The following FAXC variants were observed in gnomAD, a reference collection of about 807,000 sequenced individuals.
FAXC encodes failed axon connections homolog.
A neutral mutation model predicts 41.9 loss-of-function variants in FAXC; 10 were observed. The ratio of observed to expected loss-of-function variants is 0.24; its 90% CI spans 0.15 to 0.41. The LOEUF (loss-of-function observed/expected upper bound fraction) is 0.41, where lower values mean the gene tolerates loss of function less well. FAXC is among the 10% of genes least tolerant of loss of function. The pLI is 1.00. For missense variants in FAXC, 399 were observed against 510.9 expected, an observed-to-expected ratio of 0.78 and a Z score of 2.11; for synonymous variants, 183 against 183.8, an observed-to-expected ratio of 1.00 and a Z score of 0.03.
In FAXC at chr6:99,292,999, G is replaced by T. The variant is rs572966890; in HGVS notation, c.824-1179C>A. Among the ~76,000 whole-genome samples, 39 of 152,210 alleles carry T rather than the reference G, an allele frequency of 2.6e-4. 1 individual carries two copies. Among genetic ancestry groups the T allele is most frequent in the Middle Eastern group, 3.4e-3 (1 of 294 alleles). ...TTTTTGTATTTTTAGTAGAGACAGG[G>T]TTTCGCCATGTTGGCCATGCTGATC... On this transcript the variant is annotated intron_variant, in intron 4 of 5. Coordinates refer to ENST00000389677, the MANE Select transcript of FAXC (RefSeq NM_032511.4).
chr6:99,319,043 A>G (rs557113972), intron 4 of FAXC, among the ~76,000 whole-genome samples: 121 of 152,340 alleles, frequency 7.9e-4, no homozygotes, highest in Non-Finnish European at 1.6e-3. Context: ...ACCATTACAC[A>G]TAGTTATCTG....
At chr6:99,339,888 A>G (rs1212894831) in intron 2 of FAXC, among the ~76,000 whole-genome samples, 1 of 152,148 alleles carries the variant, frequency 6.6e-6, no homozygotes, top group Non-Finnish European at 1.5e-5. Flanking sequence ...AACAAACATA[A>G]AAGAAAAGGA....
intron 1 of FAXC, among the ~76,000 whole-genome samples, chr6:99,346,188 C>T (rs1203848371): frequency 6.6e-6 from 1 of 152,168 alleles, no homozygotes; most frequent in East Asian, 1.9e-4. Context: ...CTAGATTTCA[C>T]CTTAAGTGGA....
chr6:99,272,897 GAA>G lies in FAXC; in HGVS notation c.*8265_*8266del, dbSNP rs1268052874. 6.6e-6 allele frequency: 1 copy of G among 152,152 alleles called. No individual in the cohort carries two copies. Among genetic ancestry groups the G allele is most frequent in the African/African-American group, 2.4e-5 (1 of 41,430 alleles). The allele number at this position is 152,152 out of a possible 1,614,324, so 9.4% of individuals were successfully genotyped here. ...TTTGCAAAAGAGAAGTAAATTGGAA[GAA>G]AGACATTCACAGAAAACTATTTCAT... On this transcript the variant is annotated 3_prime_UTR_variant, in exon 6 of 6. Transcript: ENST00000389677.
chr6:99,338,038 C>G (rs1272396767), intron 2 of FAXC, among the ~76,000 whole-genome samples: 1 of 152,148 alleles, frequency 6.6e-6, no homozygotes, highest in Non-Finnish European at 1.5e-5. Context: ...TCCCCAGACA[C>G]CCACTGCATC....
chr6:99,306,265 G>A (rs559207758), intron 4 of FAXC, among the ~76,000 whole-genome samples: 1 of 152,272 alleles, frequency 6.6e-6, no homozygotes, highest in African/African-American at 2.4e-5. Flanking sequence ...CAAGGGCCGG[G>A]GTCTATGAAA....
chr6:99,284,598 T>TGTGTGTGAGTGA (rs34495212), intron 5 of FAXC, among the ~76,000 whole-genome samples: 1 of 142,856 alleles, frequency 7.0e-6, no homozygotes, highest in African/African-American at 2.6e-5. Context: ...TGTGTGTGTG[T>TGTGTGTGAGTGA]GATAAGCCTG....
At chr6:99,282,907 T>A (rs945670590) in intron 5 of FAXC, among the ~76,000 whole-genome samples, 3 of 152,256 alleles carry the variant, frequency 2.0e-5, no homozygotes, top group African/African-American at 4.8e-5. Context: ...TACATTTACA[T>A]ATATTTACAT....
At chr6:99,312,353 C>A (rs767533412) in intron 4 of FAXC, among the ~76,000 whole-genome samples, 9 of 152,188 alleles carry the variant, frequency 5.9e-5, no homozygotes, top group Non-Finnish European at 1.2e-4. Context: ...CTGGTGACAC[C>A]AATGCACACT....
intron 3 of FAXC, among the ~76,000 whole-genome samples, chr6:99,324,747 A>T (rs1340958512): frequency 6.6e-6 from 1 of 152,208 alleles, no homozygotes; most frequent in Non-Finnish European, 1.5e-5. Context: ...AGGGTTTTCT[A>T]CCAAAGGCTG....
At chr6:99,335,985 T>C (rs1480675678) in intron 2 of FAXC, among the ~76,000 whole-genome samples, 1 of 152,108 alleles carries the variant, frequency 6.6e-6, no homozygotes, top group Non-Finnish European at 1.5e-5. Context: ...CTTACAAACA[T>C]GTCACAAGTA....
At chr6:99,313,385 C>G (rs1772220117) in intron 4 of FAXC, among the ~76,000 whole-genome samples, 1 of 152,146 alleles carries the variant, frequency 6.6e-6, no homozygotes, top group Non-Finnish European at 1.5e-5. Flanking sequence ...CTTTATATGT[C>G]TTCTGACCAA....
At chr6:99,303,658 T>A (rs1042483583) in intron 4 of FAXC, among the ~76,000 whole-genome samples, 1 of 152,242 alleles carries the variant, frequency 6.6e-6, no homozygotes, top group African/African-American at 2.4e-5. Context: ...AAGACTTCTC[T>A]TTTACCAACA....
intron 5 of FAXC, among the ~76,000 whole-genome samples, chr6:99,288,859 T>TATACACAC (rs145248580): frequency 1.4e-5 from 2 of 145,736 alleles, no homozygotes; most frequent in African/African-American, 5.2e-5. Context: ...CACACACACA[T>TATACACAC]ACACACACAC....
At chr6:99,288,314 A>G (rs1435770429) in intron 5 of FAXC, among the ~76,000 whole-genome samples, 2 of 152,186 alleles carry the variant, frequency 1.3e-5, no homozygotes, top group Non-Finnish European at 2.9e-5. Flanking sequence ...GTGTTTGGGT[A>G]GAAGTGTAGG....
chr6:99,274,020 A>G lies in FAXC; in HGVS notation c.*7144T>C, dbSNP rs1770511854. 6.6e-6 allele frequency: 1 copy of G among 152,194 alleles called. No individual in the cohort carries two copies. The highest frequency in any genetic ancestry group is 2.1e-4 in the South Asian group (1 of 4,826). The allele number at this position is 152,194 out of a possible 1,614,324, so 9.4% of individuals were successfully genotyped here. ...GATCTGGGCTGTCTGCAAACATTTA[A>G]AAGACTTCTCTAAAACAAAATGTAC... On this transcript the variant is annotated 3_prime_UTR_variant, in exon 6 of 6. Coordinates refer to ENST00000389677, the MANE Select transcript of FAXC (RefSeq NM_032511.4).
chr6:99,317,454 T>A (rs1772402842), intron 4 of FAXC, among the ~76,000 whole-genome samples: 2 of 152,244 alleles, frequency 1.3e-5, no homozygotes, highest in South Asian at 4.1e-4. Flanking sequence ...GTGGAAGTCG[T>A]GGCAATTTTA....
chr6:99,349,455 AG>A lies in FAXC; in HGVS notation c.-84del. The A allele has an allele frequency of 1.9e-6, 2 of 1,040,860 alleles. No homozygotes were observed. The highest frequency in any genetic ancestry group is 2.3e-6 in the Non-Finnish European group (2 of 864,550). 64.5% of individuals were successfully genotyped at this position (1,040,860 alleles called of 1,614,324 possible). On this transcript the variant is annotated 5_prime_UTR_variant, in exon 1 of 6. Coordinates refer to ENST00000389677, the MANE Select transcript of FAXC (RefSeq NM_032511.4). ...GGCCGGCGCGGCCCGGCGCGGGCTC[AG>A]AGGCGCGCGGAGGGCGCGGGCGGCG...
chr6:99,275,678 T>A lies in FAXC; in HGVS notation c.*5486A>T, dbSNP rs910037. ...AGTGCCCTCTGTAATCATCTCTAAC[T>A]GGCAAGGCTAACGTTGCTGGTTCCA... On this transcript the variant is annotated 3_prime_UTR_variant, in exon 6 of 6. Transcript: ENST00000389677. 0.85 allele frequency: 129,349 copies of A among 152,160 alleles called. 55,218 individuals carry two copies. Among genetic ancestry groups the A allele is most frequent in the East Asian group, 1 (5,175 of 5,184 alleles). 9.4% of individuals were successfully genotyped at this position (152,160 alleles called of 1,614,324 possible). A position where few individuals can be genotyped will look rare whatever the true frequency, so the allele number is the denominator to read the frequency against.
Sources: gnomAD v4.1 joint callset for allele counts (sites outside exome capture counted in the v4.1 genomes callset) on GRCh38, gnomAD v4.1.1 for gene constraint, MANE v1.5 for transcripts, NCBI Gene and HGNC (gene_info 2026-07-23, HGNC 2026-07-21) for gene names.